The following CMTM2 variants were observed in gnomAD, a reference collection of about 807,000 sequenced individuals.
CMTM2 encodes the protein CKLF-like MARVEL transmembrane domain-containing protein 2.
Under a neutral mutation model 16.8 loss-of-function variants are expected in CMTM2, and 15 were observed. The observed-to-expected ratio is 0.89, with a 90% CI of 0.60 to 1.37. The LOEUF is 1.37. CMTM2 is among the 40% of genes most tolerant of loss of function. CMTM2 has a pLI of 0.00. For synonymous variants in CMTM2, 117 were observed against 118.7 expected, an observed-to-expected ratio of 0.99 and a Z score of 0.09; for missense variants, 282 against 318.0, an observed-to-expected ratio of 0.89 and a Z score of 0.86.
In CMTM2 at chr16:66,580,034, AAT is replaced by A; in HGVS notation, c.296_297del (p.Ile99SerfsTer39). The stretch of plus-strand genomic sequence containing the variant: ...TCTATGTCTCACTGCAGGGCTGCCT[AAT>A]AGCTGCAATGATACTGTTGTCCTCA... The part of the protein sequence containing the change: ...EIKIRSLGCL[I>X]AAMILLSSLT... On this transcript the variant is annotated frameshift_variant, in exon 2 of 4. Coordinates refer to ENST00000268595, the MANE Select transcript of CMTM2 (RefSeq NM_144673.3). LOFTEE classifies it high-confidence loss of function. 6.2e-7 allele frequency: 1 copy of A among 1,614,080 alleles called. No homozygotes were observed. The highest frequency in any genetic ancestry group is 8.5e-7 in the Non-Finnish European group (1 of 1,180,006).
intron 2 of CMTM2, among the ~76,000 whole-genome samples, chr16:66,586,442 A>G (rs1299739293): frequency 2.6e-5 from 4 of 152,186 alleles, no homozygotes; most frequent in African/African-American, 9.7e-5. Context: ...GTTCGAGACC[A>G]GCCTGGATAA....
At chr16:66,582,043 TA>T (rs953276005) in intron 2 of CMTM2, among the ~76,000 whole-genome samples, 1 of 152,088 alleles carries the variant, frequency 6.6e-6, no homozygotes, top group Non-Finnish European at 1.5e-5. Flanking sequence ...CACCTGATTT[TA>T]AAAAATCCCC....
At chr16:66,587,182 G>T in intron 3 of CMTM2, 84 bp downstream of exon 3, 1 of 1,130,316 alleles carries the variant, frequency 8.8e-7, no homozygotes. Flanking sequence ...TTAAGGAAAG[G>T]GCTTCTTTAT....
At position 66,579,473 on chromosome 16, in the gene CMTM2, C is replaced by G; in HGVS notation, c.-135C>G. 9.2e-7 allele frequency: 1 copy of G among 1,089,210 alleles called. No homozygotes were observed. Among genetic ancestry groups the G allele is most frequent in the Non-Finnish European group, 1.3e-6 (1 of 765,454 alleles). The allele number at this position is 1,089,210 out of a possible 1,614,324, so 67.5% of individuals were successfully genotyped here. ...GGCGCGGGAGTTGGCATTCGGTGGT[C>G]CTGGCAGTTAGCTGAGCACGCCCTC... On this transcript the variant is annotated 5_prime_UTR_variant, in exon 1 of 4. Coordinates refer to ENST00000268595, the MANE Select transcript of CMTM2 (RefSeq NM_144673.3). The surrounding 1 kb of genome is among the most constrained non-coding windows in gnomAD (Gnocchi z 6.5).
chr16:66,587,231 G>C (rs1453780940), intron 3 of CMTM2, 133 bp downstream of exon 3: 1 of 744,418 alleles, frequency 1.3e-6, no homozygotes, highest in African/African-American at 1.7e-5. Flanking sequence ...AAGTTTAAAA[G>C]TTAAGTAGGC....
chr16:66,585,995 T>C (rs560295597), intron 2 of CMTM2, among the ~76,000 whole-genome samples: 33 of 152,298 alleles, frequency 2.2e-4, no homozygotes, highest in Admixed American at 3.9e-4. Flanking sequence ...CAGCCTGCTA[T>C]GGCCATGGTT....
intron 2 of CMTM2, among the ~76,000 whole-genome samples, chr16:66,585,103 C>A (rs191027975): frequency 3.3e-5 from 5 of 151,816 alleles, no homozygotes; most frequent in African/African-American, 1.2e-4. Flanking sequence ...TGCACCCCCA[C>A]GCCCAGCTAA....
At chr16:66,583,995 A>C (rs897677347) in intron 2 of CMTM2, among the ~76,000 whole-genome samples, 8 of 152,210 alleles carry the variant, frequency 5.3e-5, no homozygotes, top group Non-Finnish European at 8.8e-5. Context: ...AGTTAAGGTT[A>C]AATGAGGTCA....
chr16:66,580,330 G>A, intron 2 of CMTM2, 146 bp downstream of exon 2: 1 of 833,110 alleles, frequency 1.2e-6, no homozygotes, highest in Non-Finnish European at 1.9e-6. Flanking sequence ...TGGGGCCCAG[G>A]CAGAGGCAGC....
chr16:66,581,069 C>T (rs970936261), intron 2 of CMTM2, among the ~76,000 whole-genome samples: 2 of 152,098 alleles, frequency 1.3e-5, no homozygotes, highest in East Asian at 3.9e-4. Context: ...CCAGGTCACT[C>T]AGCTGGTAAG....
At chr16:66,581,663 G>A (rs913223417) in intron 2 of CMTM2, among the ~76,000 whole-genome samples, 2 of 152,214 alleles carry the variant, frequency 1.3e-5, no homozygotes, top group Non-Finnish European at 2.9e-5. Context: ...TTAGGGAAAA[G>A]ATGGACAAAG....
Position 66,579,607 on chromosome 16 carries a change from C to A in CMTM2, c.-1C>A. 1.2e-6 allele frequency: 2 copies of A among 1,613,880 alleles called. No homozygotes were observed. Among genetic ancestry groups the A allele is most frequent in the South Asian group, 2.2e-5 (2 of 91,054 alleles). On this transcript the variant is annotated 5_prime_UTR_variant, in exon 1 of 4. Coordinates refer to ENST00000268595, the MANE Select transcript of CMTM2 (RefSeq NM_144673.3). This position sits in a 1 kb window ranked among gnomAD's most constrained non-coding sequence, Gnocchi z 6.5. ...GAGAAGCCAAGGACACCGAGTCAGT[C>A]ATGGCACCTAAGGCGGCAAAGGGGG...
chr16:66,588,196 T>C lies in CMTM2; in HGVS notation c.*77T>C, dbSNP rs1029556246. 1 of 1,359,664 alleles carries C rather than the reference T, an allele frequency of 7.4e-7. No individual in the cohort carries two copies. The highest frequency in any genetic ancestry group is 1.0e-6 in the Non-Finnish European group (1 of 978,060). The allele number at this position is 1,359,664 out of a possible 1,614,324, so 84.2% of individuals were successfully genotyped here. On this transcript the variant is annotated 3_prime_UTR_variant, in exon 4 of 4. Transcript: ENST00000268595. ...GTTTCCACTCTCTTCCTTGTCTTCT[T>C]TCTGGAATGGTTTTCTTTTCCATTT...
intron 2 of CMTM2, chr16:66,580,819 G>A (rs2014723122): frequency 6.6e-6 from 1 of 152,390 alleles, no homozygotes; most frequent in African/African-American, 2.4e-5. Context: ...ATTCAATCCT[G>A]AGGATTAAAT....
chr16:66,579,582 G>A lies in CMTM2; in HGVS notation c.-26G>A, dbSNP rs1408094206. The A allele has an allele frequency of 6.2e-7, 1 of 1,612,880 alleles. No individual in the cohort carries two copies. On this transcript the variant is annotated 5_prime_UTR_variant, in exon 1 of 4. Coordinates refer to ENST00000268595, the MANE Select transcript of CMTM2 (RefSeq NM_144673.3). This position sits in a 1 kb window ranked among gnomAD's most constrained non-coding sequence, Gnocchi z 6.5. ...GAGAGAGAAGAAACAGGCCAGCTGT[G>A]AGAAGCCAAGGACACCGAGTCAGTC...
At chr16:66,584,822 T>C (rs1469064370) in intron 2 of CMTM2, among the ~76,000 whole-genome samples, 1 of 152,128 alleles carries the variant, frequency 6.6e-6, no homozygotes, top group Admixed American at 6.5e-5. Context: ...CCAGGTACAG[T>C]GGCTCACACC....
At chr16:66,582,060 T>G (rs562754579) in intron 2 of CMTM2, among the ~76,000 whole-genome samples, 1 of 152,228 alleles carries the variant, frequency 6.6e-6, no homozygotes, top group South Asian at 2.1e-4. Context: ...TCCCCATTAC[T>G]AAGAATCAAC....
intron 2 of CMTM2, among the ~76,000 whole-genome samples, chr16:66,586,600 A>G (rs564002966): frequency 6.6e-6 from 1 of 152,308 alleles, no homozygotes; most frequent in African/African-American, 2.4e-5. Context: ...GTGAGCAGAA[A>G]TTGTGCCACT....
intron 2 of CMTM2, among the ~76,000 whole-genome samples, chr16:66,582,424 G>A (rs939000870): frequency 6.6e-6 from 1 of 152,192 alleles, no homozygotes; most frequent in African/African-American, 2.4e-5. Context: ...TGTTGGGCTG[G>A]GTGTGGTGGC....
Sources: gnomAD v4.1 joint callset for allele counts (sites outside exome capture counted in the v4.1 genomes callset) on GRCh38, gnomAD v4.1.1 for gene constraint, Gnocchi (gnomAD v3.1) non-coding constraint, MANE v1.5 for transcripts, NCBI Gene and HGNC (gene_info 2026-07-23, HGNC 2026-07-21) for gene names.